The following GAS2 variants were observed in gnomAD, a reference collection of about 807,000 sequenced individuals.
GAS2 encodes the protein growth arrest-specific protein 2.
A neutral mutation model predicts 37.5 loss-of-function variants in GAS2; 20 were observed. The ratio of observed to expected loss-of-function variants is 0.53; its 90% CI spans 0.37 to 0.77. The LOEUF (loss-of-function observed/expected upper bound fraction) is 0.77. Among genes scored for constraint, GAS2 ranks in the 30% least tolerant of loss-of-function variants. GAS2 has a pLI of 0.00. For synonymous variants in GAS2, 144 were observed against 132.2 expected, an observed-to-expected ratio of 1.09 and a Z score of -0.61; for missense variants, 336 against 373.4, an observed-to-expected ratio of 0.90 and a Z score of 0.82.
chr11:22,798,325 A>T (rs1351656748), intron 7 of GAS2, among the ~76,000 whole-genome samples: 1 of 152,048 alleles, frequency 6.6e-6, no homozygotes, highest in Non-Finnish European at 1.5e-5. Context: ...ATGCTTACAC[A>T]TATTAATATC....
chr11:22,784,200 G>A (rs1371532941), intron 7 of GAS2, among the ~76,000 whole-genome samples: 1 of 152,188 alleles, frequency 6.6e-6, no homozygotes. Flanking sequence ...GATAGGAATA[G>A]TGTTGAATCT....
chr11:22,789,439 T>TATATATAA (rs1856016508), intron 7 of GAS2, among the ~76,000 whole-genome samples: 6 of 99,524 alleles, frequency 6.0e-5, no homozygotes, highest in Middle Eastern at 4.8e-3. Flanking sequence ...TATATATATA[T>TATATATAA]ATATATATAT....
At chr11:22,673,957 A>G (rs1001290490) in intron 1 of GAS2, among the ~76,000 whole-genome samples, 1 of 152,232 alleles carries the variant, frequency 6.6e-6, no homozygotes, top group African/African-American at 2.4e-5. Flanking sequence ...ATAAAGTGGA[A>G]AGATAAAAAA....
chr11:22,769,346 A>G (rs1241897956), intron 7 of GAS2, among the ~76,000 whole-genome samples: 2 of 152,224 alleles, frequency 1.3e-5, no homozygotes, highest in African/African-American at 4.8e-5. Flanking sequence ...GAATTTATTT[A>G]TCTCCTGTAT....
chr11:22,736,424 G>A (rs1852758650), intron 4 of GAS2, among the ~76,000 whole-genome samples: 1 of 151,996 alleles, frequency 6.6e-6, no homozygotes, highest in South Asian at 2.1e-4. Flanking sequence ...GGTGGGATTA[G>A]AATTCTGGTA....
At chr11:22,662,891 A>T (rs1239035125), upstream of GAS2, among the ~76,000 whole-genome samples, 1 of 150,406 alleles carries the variant, frequency 6.6e-6, no homozygotes, top group African/African-American at 2.5e-5. Context: ...CAAAAAAAAA[A>T]AAAATAAAAA....
chr11:22,698,594 G>T (rs1299194165), intron 3 of GAS2, among the ~76,000 whole-genome samples: 1 of 148,918 alleles, frequency 6.7e-6, no homozygotes, highest in Admixed American at 6.7e-5. Flanking sequence ...CAATATCCTT[G>T]ATGAATATTG....
chr11:22,682,695 T>C (rs560692882), intron 2 of GAS2, among the ~76,000 whole-genome samples: 30 of 151,784 alleles, frequency 2.0e-4, no homozygotes, highest in Non-Finnish European at 4.1e-4. Flanking sequence ...CAGGCCAACA[T>C]GGTGAAACCC....
chr11:22,808,521 C>A (rs777812991), intron 7 of GAS2, among the ~76,000 whole-genome samples: 4 of 152,182 alleles, frequency 2.6e-5, no homozygotes, highest in African/African-American at 4.8e-5. Flanking sequence ...AAGAAATTAG[C>A]AAACTGAATA....
chr11:22,789,535 C>T (rs1856034177), intron 7 of GAS2, among the ~76,000 whole-genome samples: 1 of 133,844 alleles, frequency 7.5e-6, no homozygotes, highest in Non-Finnish European at 1.6e-5. Flanking sequence ...GATCTCGGCT[C>T]ACTGCAAGCT....
intron 6 of GAS2, among the ~76,000 whole-genome samples, chr11:22,751,677 A>G (rs1853738687): frequency 6.6e-6 from 1 of 151,962 alleles, no homozygotes; most frequent in Non-Finnish European, 1.5e-5. Flanking sequence ...CTGTGAACCT[A>G]GAAGTAGCTA....
intron 7 of GAS2, among the ~76,000 whole-genome samples, chr11:22,790,280 C>T (rs183439892): frequency 2.0e-5 from 3 of 152,262 alleles, no homozygotes; most frequent in East Asian, 3.9e-4. Context: ...AGCGTTCAGA[C>T]GGGCCTCTCC....
upstream of GAS2, among the ~76,000 whole-genome samples, chr11:22,663,417 TA>T (rs1848938423): frequency 6.7e-6 from 1 of 150,298 alleles, no homozygotes; most frequent in African/African-American, 2.4e-5. Context: ...AAAAAAAAAA[TA>T]AAAAAATAAA....
intron 3 of GAS2, among the ~76,000 whole-genome samples, chr11:22,692,953 C>T (rs1340255088): frequency 6.6e-6 from 1 of 152,092 alleles, no homozygotes; most frequent in Non-Finnish European, 1.5e-5. Flanking sequence ...CCTACCTGAC[C>T]CCTACTACTA....
At chr11:22,728,789 A>G (rs1181203805) in intron 4 of GAS2, among the ~76,000 whole-genome samples, 3 of 151,826 alleles carry the variant, frequency 2.0e-5, no homozygotes, top group Non-Finnish European at 1.5e-5. Context: ...GAGAAAGGAA[A>G]CAGCTGTGCT....
At chr11:22,655,616 T>A (rs930673850) in intron 1 of GAS2, among the ~76,000 whole-genome samples, 1 of 152,214 alleles carries the variant, frequency 6.6e-6, no homozygotes, top group Non-Finnish European at 1.5e-5. Flanking sequence ...TTGGGAAAAA[T>A]TAGTGTCTGT....
chr11:22,771,752 GA>G (rs1227965698), intron 7 of GAS2, among the ~76,000 whole-genome samples: 1 of 152,072 alleles, frequency 6.6e-6, no homozygotes, highest in African/African-American at 2.4e-5. Flanking sequence ...ACTACATTAT[GA>G]GAATTTTTAG....
chr11:22,703,212 A>G (rs2134035834), intron 3 of GAS2, among the ~76,000 whole-genome samples: 1 of 152,266 alleles, frequency 6.6e-6, no homozygotes, highest in East Asian at 1.9e-4. Flanking sequence ...CCATGATGAC[A>G]TCATCCCTTC....
chr11:22,728,262 ATCTAATATTAAATCCTC>A (rs1240283444), intron 4 of GAS2, among the ~76,000 whole-genome samples: 1 of 151,988 alleles, frequency 6.6e-6, no homozygotes, highest in African/African-American at 2.4e-5. Flanking sequence ...AGAAGAGTCC[ATCTAATATTAAATCCTC>A]TCTGCTAGAA....
Sources: allele counts gnomAD v4.1 joint callset (sites outside exome capture counted in the v4.1 genomes callset), GRCh38; gene constraint gnomAD v4.1.1; transcripts MANE v1.5; gene names NCBI Gene and HGNC (gene_info 2026-07-23, HGNC 2026-07-21).